APOL1: variants seen among roughly 807,000 people sequenced by gnomAD.
The protein encoded by APOL1 is apolipoprotein L 1.
A neutral mutation model predicts 14.9 loss-of-function variants in APOL1; 17 were observed. That is an observed-to-expected ratio of 1.14 (90% confidence interval 0.78 to 1.71). The LOEUF (loss-of-function observed/expected upper bound fraction) is 1.71. Ranked by LOEUF, APOL1 falls within the 40% of genes most tolerant of loss-of-function variation. The pLI is 0.00. For synonymous variants in APOL1, 195 were observed against 184.8 expected (o/e 1.05, Z -0.45); for missense variants, 523 against 485.9 (o/e 1.08, Z -0.72).
chr22:36,263,623 G>A (rs1339000013), intron 5 of APOL1, among the ~76,000 whole-genome samples: 3 of 152,234 alleles, frequency 2.0e-5, no homozygotes, highest in African/African-American at 7.2e-5. Context: ...AGGACGCTGT[G>A]TTCTCCTGTG....
intron 4 of APOL1, among the ~76,000 whole-genome samples, chr22:36,259,368 A>C (rs1186566109): frequency 1.3e-5 from 2 of 152,212 alleles, no homozygotes; most frequent in Non-Finnish European, 2.9e-5. Flanking sequence ...AAGGAAAAAG[A>C]AAAAACAAGA....
intron 2 of APOL1, 101 bp downstream of exon 2, chr22:36,255,100 C>G: frequency 7.2e-7 from 1 of 1,384,768 alleles, no homozygotes; most frequent in South Asian, 1.2e-5. Flanking sequence ...TGGGCTTCTT[C>G]TAGGAACCAA....
chr22:36,264,257 G>C (rs2016162323), intron 5 of APOL1, among the ~76,000 whole-genome samples: 1 of 152,126 alleles, frequency 6.6e-6, no homozygotes, highest in South Asian at 2.1e-4. Flanking sequence ...TTAGTCCCCG[G>C]GTCCTCTGGG....
chr22:36,253,804 C>T (rs955828484), intron 1 of APOL1: 49 of 804,928 alleles, frequency 6.1e-5, no homozygotes, highest in Admixed American at 1.9e-4. Flanking sequence ...TAGGACTCCA[C>T]GTCTCTGGCC....
chr22:36,265,801 A>T lies in APOL1; in HGVS notation c.965A>T (p.Asn322Ile), dbSNP rs2016234995. The part of the protein sequence containing the change: ...AESGEQVERV[N>I]EPSILEMSRG... ...AGCGGTGAACAGGTGGAGAGGGTTAATGAACCCAGCATCCTGGAAATGAGC... is the reference window on the plus strand; with the variant it reads ...AGCGGTGAACAGGTGGAGAGGGTTATTGAACCCAGCATCCTGGAAATGAGC... The change falls in exon 6 of 6, where the codon AAT becomes ATT. Residue 322 changes from asparagine to isoleucine, a missense_variant. By Grantham distance (149) the Asn-to-Ile change is moderately radical (BLOSUM62 -3). Transcript: ENST00000397278. The T allele has an allele frequency of 6.2e-7, 1 of 1,614,158 alleles. No homozygotes were observed. Among genetic ancestry groups the T allele is most frequent in the Non-Finnish European group, 8.5e-7 (1 of 1,180,036 alleles).
rs1408625709 is a variant in APOL1 at position 36,266,641 on chromosome 22, C to T, written c.*608C>T. 4 of 395,280 alleles carry T rather than the reference C, an allele frequency of 1.0e-5. No homozygotes were observed. The highest frequency in any genetic ancestry group is 1.8e-5 in the Non-Finnish European group (4 of 224,014). 24.5% of individuals were successfully genotyped at this position (395,280 alleles called of 1,614,324 possible). The stretch of plus-strand genomic sequence containing the variant: ...TATTGGGGGGCCGGGTGTAGTGGCT[C>T]ATGCCTGTAATCCGAGCACTTTGGG... On this transcript the variant is annotated 3_prime_UTR_variant, in exon 6 of 6. Coordinates refer to ENST00000397278, the MANE Select transcript of APOL1 (RefSeq NM_003661.4).
In APOL1 at chr22:36,257,331, C is replaced by T. The variant is rs555288384; in HGVS notation, c.111C>T (p.Asn37=). Reference sequence around the variant, plus strand: ...TCTCCTCCTCAAGGGTGCAACAAAACGTTCCAAGTGGGACAGATACTGGAG... The same window carrying T: ...TCTCCTCCTCAAGGGTGCAACAAAATGTTCCAAGTGGGACAGATACTGGAG... ...AEEAGARVQQ[N]VPSGTDTGDP... The change falls in exon 4 of 6, where the codon AAC becomes AAT. Residue 37 remains asparagine, a synonymous_variant. Coordinates refer to ENST00000397278, the MANE Select transcript of APOL1 (RefSeq NM_003661.4). The T allele has an allele frequency of 9.7e-5, 156 of 1,614,162 alleles. 2 individuals are homozygous for T. The highest frequency in any genetic ancestry group is 7.5e-4 in the South Asian group (68 of 91,084).
At chr22:36,263,371 A>G (rs1329727576) in intron 5 of APOL1, among the ~76,000 whole-genome samples, 1 of 152,244 alleles carries the variant, frequency 6.6e-6, no homozygotes, top group Non-Finnish European at 1.5e-5. Context: ...GTACTCAGAG[A>G]TAGCCAGACT....
Position 36,266,636 on chromosome 22 carries a change from T to C in APOL1, c.*603T>C, listed in dbSNP as rs2016270529. ...GAATATATTGGGGGGCCGGGTGTAGTGGCTCATGCCTGTAATCCGAGCACT... is the reference window on the plus strand; with the variant it reads ...GAATATATTGGGGGGCCGGGTGTAGCGGCTCATGCCTGTAATCCGAGCACT... On this transcript the variant is annotated 3_prime_UTR_variant, in exon 6 of 6. Transcript: ENST00000397278. The C allele has an allele frequency of 1.3e-5, 5 of 395,642 alleles. No individual in the cohort carries two copies. In the East Asian group the frequency reaches 1.8e-4, roughly 14 times the overall value. 24.5% of individuals were successfully genotyped at this position (395,642 alleles called of 1,614,324 possible).
At chr22:36,256,392 T>A (rs954446093) in intron 2 of APOL1, among the ~76,000 whole-genome samples, 5 of 152,236 alleles carry the variant, frequency 3.3e-5, no homozygotes, top group African/African-American at 1.2e-4. Flanking sequence ...GTGGGCAAAG[T>A]TTTATGCGAA....
intron 3 of APOL1, 49 bp downstream of exon 3, chr22:36,257,185 A>C (rs1298771787): frequency 1.9e-6 from 3 of 1,612,882 alleles, no homozygotes; most frequent in East Asian, 2.2e-5. Context: ...ATAGACAAAC[A>C]ATCTGGTTTA....
chr22:36,266,095 C>CA lies in APOL1; in HGVS notation c.*62_*63insA. 2 of 1,151,220 alleles carry CA rather than the reference C, an allele frequency of 1.7e-6. No individual in the cohort carries two copies. The highest frequency in any genetic ancestry group is 2.3e-6 in the Non-Finnish European group (2 of 851,990). The allele number at this position is 1,151,220 out of a possible 1,614,324, so 71.3% of individuals were successfully genotyped here. On this transcript the variant is annotated 3_prime_UTR_variant, in exon 6 of 6. Transcript: ENST00000397278. Reference sequence around the variant, plus strand: ...GGCAGGGGCCAGGACAAAATGCAAACTTTTTTTTTTTTCTGAGACAGAGTC... The same window carrying CA: ...GGCAGGGGCCAGGACAAAATGCAAACATTTTTTTTTTTTCTGAGACAGAGTC...
At chr22:36,255,121 C>T (rs941616368) in intron 2 of APOL1, 122 bp downstream of exon 2, 13 of 1,197,394 alleles carry the variant, frequency 1.1e-5, no homozygotes, top group East Asian at 7.3e-5. Flanking sequence ...AGTCACTTCC[C>T]GGAATTGACC....
At chr22:36,264,219 T>C (rs1174639453) in intron 5 of APOL1, among the ~76,000 whole-genome samples, 1 of 152,164 alleles carries the variant, frequency 6.6e-6, no homozygotes, top group Non-Finnish European at 1.5e-5. Flanking sequence ...ACCTGGAGTC[T>C]CCAGCCCCTC....
chr22:36,254,114 G>A, intron 1 of APOL1: 1 of 1,074,516 alleles, frequency 9.3e-7, no homozygotes, highest in Non-Finnish European at 1.4e-6. Flanking sequence ...CACAAGGGCA[G>A]ATGTTGGCCT....
At chr22:36,264,679 G>A (rs2016175091) in intron 5 of APOL1, among the ~76,000 whole-genome samples, 1 of 152,082 alleles carries the variant, frequency 6.6e-6, no homozygotes, top group African/African-American at 2.4e-5. Context: ...TGAACAAAAT[G>A]TGTTTGAGTT....
intron 5 of APOL1, 82 bp downstream of exon 5, chr22:36,261,804 A>G: frequency 6.6e-7 from 1 of 1,517,328 alleles, no homozygotes; most frequent in Non-Finnish European, 8.9e-7. Flanking sequence ...CCTGACAGGC[A>G]CACCTCCTCC....
chr22:36,266,376 A>G lies in APOL1; in HGVS notation c.*343A>G, dbSNP rs1021206564. On this transcript the variant is annotated 3_prime_UTR_variant, in exon 6 of 6. Coordinates refer to ENST00000397278, the MANE Select transcript of APOL1 (RefSeq NM_003661.4). ...AGTGCTGGGATTACAGGCGTGAGCC[A>G]TCGCTTTTGACCCAAATGCAAACAT... 12 of 394,974 alleles carry G rather than the reference A, an allele frequency of 3.0e-5. No individual in the cohort carries two copies. The Admixed American group carries it at 4.1e-4, about 13-fold the overall frequency. The allele number at this position is 394,974 out of a possible 1,614,324, so 24.5% of individuals were successfully genotyped here.
rs2016286332 is a variant in APOL1, at chr22:36,266,856, G to T, written c.*823G>T. On this transcript the variant is annotated 3_prime_UTR_variant, in exon 6 of 6. Coordinates refer to ENST00000397278, the MANE Select transcript of APOL1 (RefSeq NM_003661.4). ...GGAGGTGGAGCTTGCAGTGAGCCGA[G>T]ATATCGCCACTGCACTCCAGCCTGG... The T allele has an allele frequency of 4.7e-6, 1 of 211,868 alleles. No individual in the cohort carries two copies. 13.1% of individuals were successfully genotyped at this position (211,868 alleles called of 1,614,324 possible).
Sources: gnomAD v4.1 joint callset for allele counts (sites outside exome capture counted in the v4.1 genomes callset) on GRCh38, gnomAD v4.1.1 for gene constraint, MANE v1.5 for transcripts, NCBI Gene and HGNC (gene_info 2026-07-23, HGNC 2026-07-21) for gene names.